The following MITF variants were observed in gnomAD, a reference collection of about 807,000 sequenced individuals.
MITF encodes the protein melanocyte inducing transcription factor, also known as microphthalmia-associated transcription factor.
MITF carries 17 observed loss-of-function variants against 60.5 expected under a neutral mutation model. The ratio of observed to expected loss-of-function variants is 0.28; its 90% confidence interval spans 0.19 to 0.42. The LOEUF is 0.42. Ranked by LOEUF, MITF falls within the 10% of genes least tolerant of loss-of-function variation. The pLI is 1.00. For missense variants in MITF, 622 were observed against 683.5 expected, an observed-to-expected ratio of 0.91 and a Z score of 1.00; for synonymous variants, 260 against 248.5, an observed-to-expected ratio of 1.05 and a Z score of -0.43.
intron 1 of MITF, among the ~76,000 whole-genome samples, chr3:69,795,638 A>C (rs1226830683): frequency 6.6e-6 from 1 of 152,062 alleles, no homozygotes; most frequent in African/African-American, 2.4e-5. Context: ...AGGTGGGAGG[A>C]TTGCTTGAGC....
intron 1 of MITF, among the ~76,000 whole-genome samples, chr3:69,764,714 A>G (rs1001692426): frequency 3.3e-5 from 5 of 152,104 alleles, no homozygotes; most frequent in South Asian, 2.1e-4. Flanking sequence ...TTTACTCAAC[A>G]GTTTTTCTCC....
intron 1 of MITF, among the ~76,000 whole-genome samples, chr3:69,773,179 GGACAGGAGT>G (rs369430217): frequency 6.6e-6 from 1 of 152,154 alleles, no homozygotes; most frequent in African/African-American, 2.4e-5. Flanking sequence ...CATAGTATCT[GGACAGGAGT>G]GAGTCTACTT....
intron 4 of MITF, 47 bp downstream of exon 4, chr3:69,939,228 A>T (rs1449830812): frequency 6.5e-7 from 1 of 1,539,704 alleles, no homozygotes; most frequent in African/African-American, 1.4e-5. Context: ...TGTAATGAGA[A>T]TCTATATTTG....
intron 1 of MITF, chr3:69,764,019 A>G: frequency 1.8e-6 from 2 of 1,136,356 alleles, no homozygotes; most frequent in Non-Finnish European, 2.3e-6. Context: ...GTCAATCTTT[A>G]TATCGTATGA....
intron 4 of MITF, 124 bp from the exon 5 acceptor site, chr3:69,941,112 A>T (rs2065958381): frequency 1.5e-6 from 1 of 652,970 alleles, no homozygotes; most frequent in East Asian, 2.7e-5. Flanking sequence ...GAGGACAGTT[A>T]CTTCTTAGAA....
At chr3:69,934,404 G>A (rs2065787175) in intron 2 of MITF, among the ~76,000 whole-genome samples, 1 of 152,166 alleles carries the variant, frequency 6.6e-6, no homozygotes, top group Non-Finnish European at 1.5e-5. Flanking sequence ...AATATTGATA[G>A]ATATAATCCA....
intron 7 of MITF, among the ~76,000 whole-genome samples, 183 bp from the exon 8 acceptor site, chr3:69,956,272 G>A (rs1035493882): frequency 6.6e-6 from 1 of 152,154 alleles, no homozygotes; most frequent in African/African-American, 2.4e-5. Context: ...TTTGGAAATG[G>A]TAAAGAAATG....
intron 1 of MITF, among the ~76,000 whole-genome samples, chr3:69,863,153 C>A (rs1343854272): frequency 2.6e-5 from 4 of 152,202 alleles, no homozygotes; most frequent in Non-Finnish European, 5.9e-5. Context: ...CTGCTGAGTT[C>A]TAGGGATACA....
rs958963215 is a variant in MITF, at chr3:69,967,050, G to A, written c.*1802G>A. 2 of 232,186 alleles carry A rather than the reference G, an allele frequency of 8.6e-6. No homozygotes were observed. The highest frequency in any genetic ancestry group is 2.2e-5 in the African/African-American group (1 of 45,244). The allele number at this position is 232,186 out of a possible 1,614,324, so 14.4% of individuals were successfully genotyped here. On this transcript the variant is annotated 3_prime_UTR_variant, in exon 10 of 10. Coordinates refer to ENST00000352241, the MANE Select transcript of MITF (RefSeq NM_001354604.2). ...TTTCATCAGGAAACCTTATTCAGGA[G>A]GGTTTTTAAAAAGTGTTTAAATGTC...
chr3:69,756,168 A>G (rs1704141554), intron 1 of MITF, among the ~76,000 whole-genome samples: 1 of 151,982 alleles, frequency 6.6e-6, no homozygotes, highest in African/African-American at 2.4e-5. Flanking sequence ...CAGAATGTGC[A>G]GGTTTGTTAC....
intron 9 of MITF, 96 bp from the exon 10 acceptor site, chr3:69,964,751 C>A: frequency 9.3e-7 from 1 of 1,070,432 alleles, no homozygotes; most frequent in Non-Finnish European, 1.4e-6. Context: ...TAATGACGCG[C>A]ATCTACCATT....
chr3:69,807,960 G>GTA (rs1258579616), intron 1 of MITF, among the ~76,000 whole-genome samples: 1 of 150,890 alleles, frequency 6.6e-6, no homozygotes, highest in Non-Finnish European at 1.5e-5. Context: ...ATGTACATAT[G>GTA]TATATATATA....
In MITF at chr3:69,961,453, T is replaced by G. The variant is rs535261897; in HGVS notation, c.1179+2033T>G. Among the ~76,000 whole-genome samples, 86 of 151,268 alleles carry G rather than the reference T, an allele frequency of 5.7e-4. 1 individual carries two copies. Among genetic ancestry groups the G allele is most frequent in the Non-Finnish European group, 1.1e-3 (73 of 67,906 alleles). On this transcript the variant is annotated intron_variant, in intron 9 of 9. Coordinates refer to ENST00000352241, the MANE Select transcript of MITF (RefSeq NM_001354604.2). ...CGGGTGCGGTGGTTCACGCCTCTAATCCCAGCACTTTGAGAGGCCAAGGTG... is the reference window on the plus strand; with the variant it reads ...CGGGTGCGGTGGTTCACGCCTCTAAGCCCAGCACTTTGAGAGGCCAAGGTG...
At chr3:69,838,146 A>G (rs2063568422) in intron 1 of MITF, among the ~76,000 whole-genome samples, 1 of 152,182 alleles carries the variant, frequency 6.6e-6, no homozygotes. Flanking sequence ...TTGAATAGAA[A>G]TGTTCTTGTA....
rs2107276161 is a variant in MITF, at chr3:69,879,177, T to A, written c.148T>A (p.Ser50Thr). ...TGGGGCCTCCAAGCCTCCGATAAGC[T>A]CCTCCAGTATGACATCACGCATCTT... ...HPGASKPPIS[S>T]SSMTSRILLR... The change falls in exon 2 of 10, where the codon TCC (serine) becomes ACC (threonine). Residue 50 changes from serine (S) to threonine (T), a missense_variant. This residue lies in a region of MITF where 149 missense variants were observed against 157.8 expected (regional missense o/e 0.94). Coordinates refer to ENST00000352241, the MANE Select transcript of MITF (RefSeq NM_001354604.2). The A allele has an allele frequency of 6.2e-7, 1 of 1,614,208 alleles. No homozygotes were observed.
chr3:69,830,049 G>A (rs1012315778), intron 1 of MITF, among the ~76,000 whole-genome samples: 1 of 152,148 alleles, frequency 6.6e-6, no homozygotes, highest in Non-Finnish European at 1.5e-5. Context: ...TCTTCTGGGC[G>A]ATGTTTCAGC....
rs2066660260 is a variant in MITF at position 69,965,203 on chromosome 3, C to G, written c.1536C>G (p.Ser512Arg). The change falls in exon 10 of 10, where the codon AGC becomes AGG. Residue 512 changes from serine to arginine, a missense_variant. Physicochemically the swap from Ser to Arg is moderately radical, Grantham distance 110. Coordinates refer to ENST00000352241, the MANE Select transcript of MITF (RefSeq NM_001354604.2). ...SVSPGASKTS[S>R]RRSSMSMEET... ...CCCCCGGAGCTTCCAAAACAAGCAG[C>G]CGGAGGAGCAGTATGAGCATGGAAG... 1 of 1,613,760 alleles carries G rather than the reference C, an allele frequency of 6.2e-7. No homozygotes were observed. Among genetic ancestry groups the G allele is most frequent in the Non-Finnish European group, 8.5e-7 (1 of 1,179,712 alleles).
At chr3:69,853,674 T>C (rs976330879) in intron 1 of MITF, among the ~76,000 whole-genome samples, 6 of 152,138 alleles carry the variant, frequency 3.9e-5, no homozygotes. Context: ...TTTAGAATCG[T>C]TGACTACATC....
At position 69,741,445 on chromosome 3, in the gene MITF, G is replaced by A. The variant is rs1357988592; in HGVS notation, c.104+1744G>A. Reference sequence around the variant, plus strand: ...TAACATTAAATCAGTTTGAGAGAGCGAGGAAAATACCATCTGGAAAAACCC... The same window carrying A: ...TAACATTAAATCAGTTTGAGAGAGCAAGGAAAATACCATCTGGAAAAACCC... On this transcript the variant is annotated intron_variant, in intron 1 of 9. Transcript: ENST00000352241. Among the ~76,000 whole-genome samples, 5 of 152,090 alleles carry A rather than the reference G, an allele frequency of 3.3e-5. 1 individual carries two copies. The East Asian group carries it at 5.8e-4, about 18-fold the overall frequency.
Sources: allele counts gnomAD v4.1 joint callset (sites outside exome capture counted in the v4.1 genomes callset), GRCh38; gene constraint gnomAD v4.1.1; regional missense constraint gnomAD v4.1.1; transcripts MANE v1.5; gene names NCBI Gene and HGNC (gene_info 2026-07-23, HGNC 2026-07-21).